The following MTURN variants were observed in gnomAD, a reference collection of about 807,000 sequenced individuals.
The protein encoded by MTURN is maturin, neural progenitor differentiation regulator homolog.
In MTURN, 7 loss-of-function variants were observed where a neutral mutation model predicts 14.9. The observed-to-expected ratio is 0.47, with a 90% confidence interval of 0.27 to 0.88. MTURN has a LOEUF of 0.88. MTURN is among the 40% of genes least tolerant of loss of function. The pLI is 0.14. For synonymous variants in MTURN, 69 were observed against 72.5 expected (o/e 0.95, Z 0.25); for missense variants, 151 against 174.1 (o/e 0.87, Z 0.75).
At chr7:30,155,720 A>G (rs971645063) in intron 2 of MTURN, among the ~76,000 whole-genome samples, 8 of 152,196 alleles carry the variant, frequency 5.3e-5, no homozygotes, top group African/African-American at 1.9e-4. Context: ...AGTGTGACCA[A>G]CAATGCCTAG....
At chr7:30,154,270 A>G (rs1318728879) in intron 2 of MTURN, among the ~76,000 whole-genome samples, 3 of 152,148 alleles carry the variant, frequency 2.0e-5, no homozygotes, top group African/African-American at 7.2e-5. Flanking sequence ...CAGTGTATAT[A>G]GGATTTTCAC....
intron 2 of MTURN, 41 bp downstream of exon 2, chr7:30,146,340 T>C (rs1257747294): frequency 6.2e-7 from 1 of 1,610,196 alleles, no homozygotes; most frequent in Non-Finnish European, 8.5e-7. Context: ...TTGTTTTCTA[T>C]GGTGATTGTG....
intron 2 of MTURN, 48 bp from the exon 3 acceptor site, chr7:30,157,390 G>T: frequency 6.7e-7 from 1 of 1,491,870 alleles, no homozygotes. Context: ...TCCTGCCTGT[G>T]GGCCATTTGG....
At chr7:30,157,289 T>C in intron 2 of MTURN, 149 bp from the exon 3 acceptor site, 1 of 527,240 alleles carries the variant, frequency 1.9e-6, no homozygotes, top group Non-Finnish European at 3.2e-6. Context: ...CTAACAAGTT[T>C]ATGAAAATCA....
chr7:30,151,331 A>G (rs1198390013), intron 2 of MTURN, among the ~76,000 whole-genome samples: 1 of 152,198 alleles, frequency 6.6e-6, no homozygotes, highest in African/African-American at 2.4e-5. Context: ...GAGTTGGATA[A>G]TCGTCAGAAC....
At position 30,135,065 on chromosome 7, in the gene MTURN, G is replaced by C. The variant is rs1277284982; in HGVS notation, c.-72G>C. 1 of 1,208,106 alleles carries C rather than the reference G, an allele frequency of 8.3e-7. No individual in the cohort carries two copies. Among genetic ancestry groups the C allele is most frequent in the Non-Finnish European group, 1.0e-6 (1 of 962,848 alleles). 74.8% of individuals were successfully genotyped at this position (1,208,106 alleles called of 1,614,324 possible). ...CCGCGCAGGCCGAGCCGAGCGCCGC[G>C]CTGCCCGCCCGGGAGGAGGGCGCCT... On this transcript the variant is annotated 5_prime_UTR_variant, in exon 1 of 3. Coordinates refer to ENST00000324453, the MANE Select transcript of MTURN (RefSeq NM_152793.3).
rs1796918685 is a variant in MTURN, at chr7:30,135,017, G to A, written c.-120G>A. 6.8e-6 allele frequency: 6 copies of A among 888,320 alleles called. No individual in the cohort carries two copies. Among genetic ancestry groups the A allele is most frequent in the South Asian group, 1.0e-4 (2 of 19,290 alleles). 55.0% of individuals were successfully genotyped at this position (888,320 alleles called of 1,614,324 possible). A position where few individuals can be genotyped will look rare whatever the true frequency, so the allele number is the denominator to read the frequency against. ...CACCGCATGTAAACAGTCCCAGCCGGCCCAGCCCGGCCCCGGAGGAGCCCG... is the reference window on the plus strand; with the variant it reads ...CACCGCATGTAAACAGTCCCAGCCGACCCAGCCCGGCCCCGGAGGAGCCCG... On this transcript the variant is annotated 5_prime_UTR_variant, in exon 1 of 3. Coordinates refer to ENST00000324453, the MANE Select transcript of MTURN (RefSeq NM_152793.3).
intron 1 of MTURN, among the ~76,000 whole-genome samples, chr7:30,141,585 G>A (rs1399425955): frequency 1.3e-5 from 2 of 152,080 alleles, no homozygotes; most frequent in Admixed American, 6.5e-5. Context: ...GTACAATGGT[G>A]TGATCAGAGC....
At position 30,160,868 on chromosome 7, in the gene MTURN, A is replaced by G. The variant is rs1797364044; in HGVS notation, c.*3320A>G. ...TGGATTCACCTGCACTCAGGTGTCC[A>G]CTCCTGTCTCCCAGGCCCAAAGCAG... On this transcript the variant is annotated 3_prime_UTR_variant, in exon 3 of 3. Coordinates refer to ENST00000324453, the MANE Select transcript of MTURN (RefSeq NM_152793.3). 1 of 152,216 alleles carries G rather than the reference A, an allele frequency of 6.6e-6. No homozygotes were observed. The highest frequency in any genetic ancestry group is 2.1e-4 in the South Asian group (1 of 4,814). 9.4% of individuals were successfully genotyped at this position (152,216 alleles called of 1,614,324 possible). A position where few individuals can be genotyped will look rare whatever the true frequency, so the allele number is the denominator to read the frequency against.
Position 30,135,049 on chromosome 7 carries a change from C to T in MTURN, c.-88C>T. The T allele has an allele frequency of 8.9e-7, 1 of 1,121,940 alleles. No homozygotes were observed. Among genetic ancestry groups the T allele is most frequent in the Non-Finnish European group, 1.1e-6 (1 of 909,136 alleles). 69.5% of individuals were successfully genotyped at this position (1,121,940 alleles called of 1,614,324 possible). On this transcript the variant is annotated 5_prime_UTR_variant, in exon 1 of 3. Transcript: ENST00000324453. ...CCGGCCCCGGAGGAGCCCGCGCAGG[C>T]CGAGCCGAGCGCCGCGCTGCCCGCC...
intron 1 of MTURN, among the ~76,000 whole-genome samples, chr7:30,143,899 T>G (rs1340981487): frequency 6.6e-6 from 1 of 152,268 alleles, no homozygotes; most frequent in East Asian, 1.9e-4. Context: ...AAGTTTACTT[T>G]GTAATTTAAA....
intron 2 of MTURN, among the ~76,000 whole-genome samples, chr7:30,153,583 A>G (rs1471390215): frequency 6.6e-6 from 1 of 152,054 alleles, no homozygotes; most frequent in African/African-American, 2.4e-5. Context: ...AAGTTACTCA[A>G]CCTCTTCAGG....
intron 1 of MTURN, among the ~76,000 whole-genome samples, chr7:30,138,272 G>A (rs967999831): frequency 5.3e-5 from 8 of 151,918 alleles, no homozygotes; most frequent in South Asian, 2.1e-4. Flanking sequence ...TGCACCCCAC[G>A]CCCAGCTAAT....
chr7:30,143,374 A>T, intron 1 of MTURN, among the ~76,000 whole-genome samples: 1 of 142,088 alleles, frequency 7.0e-6, no homozygotes. Context: ...TTTTTTTCCC[A>T]ATGACAGACT....
chr7:30,151,923 T>C lies in MTURN; in HGVS notation c.286-5515T>C, dbSNP rs1379419059. The stretch of plus-strand genomic sequence containing the variant: ...ATTGATATTTTCAGTTTGCCACAAG[T>C]GGCTGGAGAGCTGCGGCTTAAATCC... On this transcript the variant is annotated intron_variant, in intron 2 of 2. Transcript: ENST00000324453. Among the ~76,000 whole-genome samples the C allele has an allele frequency of 2.6e-5, 4 of 152,194 alleles. No individual in the cohort carries two copies. In the East Asian group the frequency reaches 7.7e-4, roughly 29 times the overall value.
At position 30,149,077 on chromosome 7, in the gene MTURN, G is replaced by A. The variant is rs115034805; in HGVS notation, c.285+2778G>A. On this transcript the variant is annotated intron_variant, in intron 2 of 2. Transcript: ENST00000324453. ...TCACCTGGGAAGGGGAGCTCCAGCC[G>A]GGAGTCACTGTGCTGTTTTTCCTTA... Among the ~76,000 whole-genome samples the A allele has an allele frequency of 8.0e-3, 1,214 of 152,212 alleles. 14 individuals carry two copies. Among genetic ancestry groups the A allele is most frequent in the African/African-American group, 0.028 (1,155 of 41,518 alleles).
In MTURN at chr7:30,159,406, T is replaced by A. The variant is rs749661699; in HGVS notation, c.*1858T>A. On this transcript the variant is annotated 3_prime_UTR_variant, in exon 3 of 3. Coordinates refer to ENST00000324453, the MANE Select transcript of MTURN (RefSeq NM_152793.3). ...GCAAGAATGACTTCTGCAAGTGAAA[T>A]GAGGAAGCTTCACTAGCTTGCTCCA... 1.3e-5 allele frequency: 2 copies of A among 152,344 alleles called. No individual in the cohort carries two copies. The highest frequency in any genetic ancestry group is 2.9e-5 in the Non-Finnish European group (2 of 68,020). 9.4% of individuals were successfully genotyped at this position (152,344 alleles called of 1,614,324 possible). A position where few individuals can be genotyped will look rare whatever the true frequency, so the allele number is the denominator to read the frequency against.
At chr7:30,148,065 C>T (rs1797154076) in intron 2 of MTURN, among the ~76,000 whole-genome samples, 1 of 152,130 alleles carries the variant, frequency 6.6e-6, no homozygotes, top group African/African-American at 2.4e-5. Flanking sequence ...GACAAGGACA[C>T]ACGTAATGTC....
intron 1 of MTURN, among the ~76,000 whole-genome samples, chr7:30,143,132 C>A (rs1183025310): frequency 2.0e-5 from 3 of 151,904 alleles, no homozygotes; most frequent in Non-Finnish European, 4.4e-5. Flanking sequence ...AAGAGAATAA[C>A]CGCTCTGCCC....
Sources: allele counts gnomAD v4.1 joint callset (sites outside exome capture counted in the v4.1 genomes callset), GRCh38; gene constraint gnomAD v4.1.1; transcripts MANE v1.5; gene names NCBI Gene and HGNC (gene_info 2026-07-23, HGNC 2026-07-21).